Variants in MYCBP2 observed in about 807,000 individuals in gnomAD.
MYCBP2 encodes the protein MYC binding protein 2, also known as E3 ubiquitin-protein ligase MYCBP2.
MYCBP2 carries 120 observed loss-of-function variants against 525.3 expected under a neutral mutation model. The observed-to-expected ratio is 0.23, with a 90% CI of 0.20 to 0.27. The LOEUF (loss-of-function observed/expected upper bound fraction) is 0.27. Among genes scored for constraint, MYCBP2 ranks in the 10% least tolerant of loss-of-function variants. The pLI, the probability that MYCBP2 is intolerant of heterozygous loss-of-function variation, is 1.00. For missense variants in MYCBP2, 4,149 were observed against 5,657.1 expected (o/e 0.73, Z 8.55); for synonymous variants, 1,894 against 1,955.8 (o/e 0.97, Z 0.83).
At position 77,150,847 on chromosome 13, in the gene MYCBP2, C is replaced by A. The variant is rs750567360; in HGVS notation, c.7018G>T (p.Ala2340Ser). The change falls in exon 47 of 83, where the codon GCA (alanine) becomes TCA (serine). Residue 2340 changes from alanine (A) to serine (S), a missense_variant. Coordinates refer to ENST00000544440, the MANE Select transcript of MYCBP2 (RefSeq NM_015057.5). ...RIPGSPAVTA[A>S]SSNTDMTYGG... is the part of the protein sequence containing the mutation. ...TAAGTCATGTCAGTATTAGAAGATG[C>A]AGCTGTTACTGCAGGACTGCCAGGA... 6.2e-7 allele frequency: 1 copy of A among 1,614,130 alleles called. No individual in the cohort carries two copies. Among genetic ancestry groups the A allele is most frequent in the South Asian group, 1.1e-5 (1 of 91,076 alleles).
In MYCBP2 at chr13:77,290,411, C is replaced by T. The variant is rs138587675; in HGVS notation, c.379-2035G>A. Among the ~76,000 whole-genome samples, 8 of 152,272 alleles carry T rather than the reference C, an allele frequency of 5.3e-5. No individual in the cohort carries two copies. The East Asian group carries it at 7.7e-4, about 15-fold the overall frequency. On this transcript the variant is annotated intron_variant, in intron 2 of 82. Transcript: ENST00000544440. ...TTATGTTCACACAAAAACCAGTACA[C>T]GAATGTTCGTAATAGCATTCTTTTA...
Position 77,097,609 on chromosome 13 carries a change from A to G in MYCBP2, c.9545T>C (p.Met3182Thr). The change falls in exon 56 of 83, where the codon ATG becomes ACG. Residue 3182 changes from methionine to threonine, a missense_variant. Around this residue, in one of 21 missense-constraint regions of MYCBP2, gnomAD observed 653 missense variants for 744.7 expected, o/e 0.88. Transcript: ENST00000544440. ...ACAGGAACCAGGACTTGGAAAAATC[A>G]TATTCTGGGAAGCAGCTTTGATAGT... ...LATIKAASQN[M>T]IFPSPGSCAV... 2 of 1,613,590 alleles carry G rather than the reference A, an allele frequency of 1.2e-6. No individual in the cohort carries two copies. Among genetic ancestry groups the G allele is most frequent in the Non-Finnish European group, 1.7e-6 (2 of 1,179,770 alleles).
chr13:77,170,131 G>C (rs908603160), intron 38 of MYCBP2, among the ~76,000 whole-genome samples: 3 of 152,078 alleles, frequency 2.0e-5, no homozygotes, highest in African/African-American at 7.2e-5. Flanking sequence ...TGTAACTTAG[G>C]TTCACAACAG....
chr13:77,114,175 C>T (rs994924481), intron 55 of MYCBP2, among the ~76,000 whole-genome samples: 1 of 152,088 alleles, frequency 6.6e-6, no homozygotes, highest in African/African-American at 2.4e-5. Context: ...AACTGAATTA[C>T]ATTGCAAAAA....
intron 75 of MYCBP2, 107 bp from the exon 76 acceptor site, chr13:77,061,408 T>G: frequency 9.7e-7 from 1 of 1,033,846 alleles, no homozygotes. Flanking sequence ...ATTTAAGCAC[T>G]CTAAGAAGTT....
At chr13:77,108,597 T>C (rs1407384811) in intron 55 of MYCBP2, among the ~76,000 whole-genome samples, 2 of 152,138 alleles carry the variant, frequency 1.3e-5, no homozygotes, top group Non-Finnish European at 2.9e-5. Context: ...ACCATAACCC[T>C]TTCCTGCCTC....
At chr13:77,251,485 T>C (rs981814557) in intron 14 of MYCBP2, 130 bp from the exon 15 acceptor site, 13 of 722,208 alleles carry the variant, frequency 1.8e-5, no homozygotes, top group Non-Finnish European at 2.7e-5. Flanking sequence ...ATGCTTAAAT[T>C]TGAGTAACAA....
intron 47 of MYCBP2, 29 bp from the exon 48 acceptor site, chr13:77,146,246 C>G: frequency 6.8e-7 from 1 of 1,465,796 alleles, no homozygotes; most frequent in East Asian, 2.4e-5. Flanking sequence ...TCTGAACAAT[C>G]GTAAAATCAT....
At position 77,087,558 on chromosome 13, in the gene MYCBP2, G is replaced by A. The variant is rs751338630; in HGVS notation, c.10801C>T (p.Leu3601=). The A allele has an allele frequency of 6.2e-7, 1 of 1,613,224 alleles. No homozygotes were observed. The highest frequency in any genetic ancestry group is 1.7e-5 in the Admixed American group (1 of 59,906). ...TCTGGTTCCACTGGTGCAGGAGTCA[G>A]TGATGCCACAAAATGCCACAGAATA... The part of the protein sequence containing the change: ...HDILWHFVAS[L]TPAPVEPEEE... Residue 3601 remains leucine, a synonymous_variant, in exon 62 of 83, where the codon CTG becomes TTG. Coordinates refer to ENST00000544440, the MANE Select transcript of MYCBP2 (RefSeq NM_015057.5).
intron 20 of MYCBP2, among the ~76,000 whole-genome samples, chr13:77,222,930 T>C (rs1190981626): frequency 6.6e-6 from 1 of 152,200 alleles, no homozygotes; most frequent in Non-Finnish European, 1.5e-5. Context: ...TTCTGGCATA[T>C]ACACTGTGAC....
At chr13:77,154,764 T>C (rs530907071) in intron 46 of MYCBP2, among the ~76,000 whole-genome samples, 144 of 152,210 alleles carry the variant, frequency 9.5e-4, no homozygotes, top group Non-Finnish European at 1.6e-3. Context: ...CAAAAATCTG[T>C]CCTTGAGTAG....
chr13:77,130,636 A>T (rs1478029128), intron 52 of MYCBP2, among the ~76,000 whole-genome samples: 1 of 152,142 alleles, frequency 6.6e-6, no homozygotes, highest in Non-Finnish European at 1.5e-5. Flanking sequence ...AACATATTGC[A>T]GAGCATTTTG....
chr13:77,188,860 A>G, intron 30 of MYCBP2, 91 bp downstream of exon 30: 1 of 770,114 alleles, frequency 1.3e-6, no homozygotes, highest in Non-Finnish European at 2.0e-6. Context: ...ATCTAGGCTA[A>G]GATAAACTTA....
Position 77,181,841 on chromosome 13 carries a change from T to C in MYCBP2, c.4801A>G (p.Lys1601Glu). Reference protein sequence around the residue: ...VMSALCHTSVKLTSIFPIAYD... With the variant: ...VMSALCHTSVELTSIFPIAYD... ...GCAATCGGGAAGATGGAAGTCAGCTTAACAGACGTGTGACACAGAGCTGAC... is the reference window on the plus strand; with the variant it reads ...GCAATCGGGAAGATGGAAGTCAGCTCAACAGACGTGTGACACAGAGCTGAC... Residue 1601 changes from lysine (K) to glutamate (E), a missense_variant, in exon 33 of 83, where the codon AAG becomes GAG. By Grantham distance (56) the Lys-to-Glu change is moderately conservative. Coordinates refer to ENST00000544440, the MANE Select transcript of MYCBP2 (RefSeq NM_015057.5). 1 of 1,614,044 alleles carries C rather than the reference T, an allele frequency of 6.2e-7. No individual in the cohort carries two copies. The highest frequency in any genetic ancestry group is 1.3e-5 in the African/African-American group (1 of 75,036).
At chr13:77,157,895 T>C (rs750147461) in intron 45 of MYCBP2, 42 bp downstream of exon 45, 3 of 1,500,110 alleles carry the variant, frequency 2.0e-6, no homozygotes, top group Non-Finnish European at 2.7e-6. Context: ...TGAAGAAAGA[T>C]GAAAGCCCTA....
chr13:77,147,344 A>G (rs2055763303), intron 47 of MYCBP2, among the ~76,000 whole-genome samples: 1 of 152,150 alleles, frequency 6.6e-6, no homozygotes, highest in African/African-American at 2.4e-5. Context: ...TAAAAAAATA[A>G]CAAAATGACC....
chr13:77,118,584 AG>A, intron 55 of MYCBP2: 1 of 692,566 alleles, frequency 1.4e-6, no homozygotes, highest in Non-Finnish European at 2.6e-6. Context: ...ACATTCAGAT[AG>A]AGTTGAACAC....
At chr13:77,146,023 T>C in intron 48 of MYCBP2, 139 bp downstream of exon 48, 1 of 525,998 alleles carries the variant, frequency 1.9e-6, no homozygotes. Flanking sequence ...TACATTATTA[T>C]ATGACATCTC....
At chr13:77,118,796 T>C (rs1566598594) in intron 55 of MYCBP2, among the ~76,000 whole-genome samples, 1 of 152,238 alleles carries the variant, frequency 6.6e-6, no homozygotes, top group East Asian at 1.9e-4. Context: ...GAAGACTCTA[T>C]GAAGAATCAG....
Sources: allele counts gnomAD v4.1 joint callset (sites outside exome capture counted in the v4.1 genomes callset), GRCh38; gene constraint gnomAD v4.1.1; regional missense constraint gnomAD v4.1.1; transcripts MANE v1.5; gene names NCBI Gene and HGNC (gene_info 2026-07-23, HGNC 2026-07-21).